Variants in DOK6 observed in about 807,000 individuals in gnomAD.
The protein encoded by DOK6 is downstream of tyrosine kinase 6.
In DOK6, 22 loss-of-function variants were observed where a neutral mutation model predicts 44.0. The ratio of observed to expected loss-of-function variants is 0.50; its 90% CI spans 0.36 to 0.71. DOK6 has a LOEUF of 0.71. Ranked by LOEUF, DOK6 falls within the 30% of genes least tolerant of loss-of-function variation. The probability of loss-of-function intolerance (pLI) is 0.00; values close to 1 mark genes in which losing one functional copy is unlikely to be tolerated. For synonymous variants in DOK6, 166 were observed against 145.5 expected (o/e 1.14, Z -1.01); for missense variants, 340 against 416.4 (o/e 0.82, Z 1.60).
At chr18:69,418,628 A>ATTTCT (rs911872137) in intron 1 of DOK6, among the ~76,000 whole-genome samples, 2 of 151,344 alleles carry the variant, frequency 1.3e-5, no homozygotes, top group African/African-American at 4.9e-5. Context: ...TGCCCAGCTA[A>ATTTCT]TTTCTTTTCT....
intron 6 of DOK6, among the ~76,000 whole-genome samples, chr18:69,749,480 AG>A (rs1248349160): frequency 6.6e-6 from 1 of 152,190 alleles, no homozygotes; most frequent in African/African-American, 2.4e-5. Context: ...AAAGGACAAA[AG>A]CATAGAGCAG....
At chr18:69,746,150 G>A (rs1265622139) in intron 6 of DOK6, among the ~76,000 whole-genome samples, 1 of 152,198 alleles carries the variant, frequency 6.6e-6, no homozygotes, top group Non-Finnish European at 1.5e-5. Context: ...ATTACTGATT[G>A]CAGACGGAAA....
At chr18:69,477,810 A>T (rs943387282) in intron 1 of DOK6, among the ~76,000 whole-genome samples, 1 of 152,148 alleles carries the variant, frequency 6.6e-6, no homozygotes, top group African/African-American at 2.4e-5. Context: ...ATTAGCATGA[A>T]TTTGACCTTA....
At chr18:69,804,222 G>GA (rs1343977273) in intron 7 of DOK6, among the ~76,000 whole-genome samples, 2 of 152,100 alleles carry the variant, frequency 1.3e-5, no homozygotes, top group African/African-American at 4.8e-5. Context: ...GACTCTCATT[G>GA]AAAAGTTGTT....
intron 3 of DOK6, among the ~76,000 whole-genome samples, chr18:69,638,137 G>A (rs1388549359): frequency 3.3e-5 from 5 of 152,230 alleles, no homozygotes; most frequent in Non-Finnish European, 5.9e-5. Flanking sequence ...ATTTTAGCAT[G>A]TGTGTCATAA....
intron 1 of DOK6, among the ~76,000 whole-genome samples, chr18:69,504,039 C>A (rs563278511): frequency 6.6e-6 from 1 of 151,818 alleles, no homozygotes; most frequent in South Asian, 2.1e-4. Context: ...TATGGATTCA[C>A]GATGGAAAAT....
rs558669584 is a variant in DOK6, at chr18:69,836,023, C to G, written c.857-5221C>G. On this transcript the variant is annotated intron_variant, in intron 7 of 7. Transcript: ENST00000382713. ...ATTCAGAGACTAGCCAAAAGGGAAC[C>G]CTTGTTGGTCATTCTGTGTCAGCAA... is the stretch of plus-strand genomic sequence containing the variant. Among the ~76,000 whole-genome samples, 6 of 152,226 alleles carry G rather than the reference C, an allele frequency of 3.9e-5. No individual in the cohort carries two copies. In the East Asian group the frequency reaches 1.2e-3, roughly 29 times the overall value.
At chr18:69,440,342 C>T (rs1377671952) in intron 1 of DOK6, among the ~76,000 whole-genome samples, 1 of 152,068 alleles carries the variant, frequency 6.6e-6, no homozygotes, top group African/African-American at 2.4e-5. Flanking sequence ...GACAAAGAGA[C>T]AGGAAGTGAG....
intron 1 of DOK6, among the ~76,000 whole-genome samples, chr18:69,559,188 A>G (rs1280477186): frequency 2.0e-5 from 3 of 152,194 alleles, no homozygotes; most frequent in Admixed American, 1.3e-4. Context: ...CTACATAGAA[A>G]TATGCCTTCT....
At chr18:69,715,303 A>G (rs865888378) in intron 5 of DOK6, among the ~76,000 whole-genome samples, 15 of 152,206 alleles carry the variant, frequency 9.9e-5, no homozygotes, top group African/African-American at 2.9e-4. Context: ...ATGTAAGCAC[A>G]CCATAAATGG....
chr18:69,671,216 T>C (rs1427014879), intron 3 of DOK6, among the ~76,000 whole-genome samples: 1 of 152,222 alleles, frequency 6.6e-6, no homozygotes, highest in Non-Finnish European at 1.5e-5. Context: ...CTTTGGAAAA[T>C]AGGTAGGGGC....
chr18:69,593,096 A>G (rs1043390198), intron 2 of DOK6, among the ~76,000 whole-genome samples: 6 of 152,088 alleles, frequency 3.9e-5, no homozygotes, highest in Non-Finnish European at 8.8e-5. Context: ...GGCATGATGG[A>G]TTTCATGCTT....
intron 3 of DOK6, chr18:69,647,398 T>A (rs1045381945): frequency 5.3e-5 from 8 of 152,200 alleles, no homozygotes; most frequent in African/African-American, 1.9e-4. Flanking sequence ...GTCATCATTA[T>A]CCTACAGGAC....
intron 1 of DOK6, among the ~76,000 whole-genome samples, chr18:69,449,520 T>A (rs1025980447): frequency 1.3e-5 from 2 of 152,192 alleles, no homozygotes; most frequent in African/African-American, 4.8e-5. Context: ...CTTTATTGGG[T>A]CTTAAATAAT....
chr18:69,413,787 C>G lies in DOK6; in HGVS notation c.66+12477C>G, dbSNP rs371142759. On this transcript the variant is annotated intron_variant, in intron 1 of 7. Coordinates refer to ENST00000382713, the MANE Select transcript of DOK6 (RefSeq NM_152721.6). ...AAAAACTTTTGCTCTGTGAAAGACC[C>G]TATTAAGAGGATGAAAAGACAAGCT... Among the ~76,000 whole-genome samples, 19 of 151,870 alleles carry G rather than the reference C, an allele frequency of 1.3e-4. No individual in the cohort carries two copies. In the East Asian group the frequency reaches 2.9e-3, roughly 23 times the overall value.
At chr18:69,548,263 A>T (rs982233833) in intron 1 of DOK6, among the ~76,000 whole-genome samples, 2 of 151,050 alleles carry the variant, frequency 1.3e-5, no homozygotes, top group African/African-American at 2.4e-5. Context: ...TCATATATAT[A>T]TTTTTTTAAT....
chr18:69,551,675 T>C (rs1982569293), intron 1 of DOK6, among the ~76,000 whole-genome samples: 1 of 152,140 alleles, frequency 6.6e-6, no homozygotes, highest in South Asian at 2.1e-4. Flanking sequence ...TAATGGAAAG[T>C]CTTCAGTGGC....
At chr18:69,780,399 C>T (rs1473837062) in intron 7 of DOK6, among the ~76,000 whole-genome samples, 1 of 152,174 alleles carries the variant, frequency 6.6e-6, no homozygotes, top group East Asian at 1.9e-4. Flanking sequence ...CAAGACCAGC[C>T]TGGCCAACAT....
chr18:69,731,539 G>T (rs1978402010), intron 5 of DOK6, among the ~76,000 whole-genome samples: 1 of 152,120 alleles, frequency 6.6e-6, no homozygotes, highest in African/African-American at 2.4e-5. Context: ...TCTATGGTCA[G>T]TTGAAATGCT....
Sources: gnomAD v4.1 joint callset for allele counts (sites outside exome capture counted in the v4.1 genomes callset) on GRCh38, gnomAD v4.1.1 for gene constraint, MANE v1.5 for transcripts, NCBI Gene and HGNC (gene_info 2026-07-23, HGNC 2026-07-21) for gene names.